TMC1: variants seen among roughly 807,000 people sequenced by gnomAD.
TMC1 encodes transmembrane channel-like protein 1.
TMC1 carries 84 observed loss-of-function variants against 105.8 expected under a neutral mutation model. The observed-to-expected ratio is 0.79, with a 90% CI of 0.67 to 0.95. The LOEUF is 0.95. TMC1 is among the 40% of genes least tolerant of loss of function. TMC1 has a pLI of 0.00. For synonymous variants in TMC1, 315 were observed against 311.5 expected, an observed-to-expected ratio of 1.01 and a Z score of -0.12; for missense variants, 817 against 914.1, an observed-to-expected ratio of 0.89 and a Z score of 1.37.
At chr9:72,728,730 C>A (rs1239515252) in intron 8 of TMC1, among the ~76,000 whole-genome samples, 1 of 152,038 alleles carries the variant, frequency 6.6e-6, no homozygotes, top group Non-Finnish European at 1.5e-5. Flanking sequence ...CCTGGGGAAA[C>A]CTGTGTGGTC....
intron 18 of TMC1, among the ~76,000 whole-genome samples, chr9:72,805,862 C>CA (rs1200127891): frequency 6.6e-6 from 1 of 152,158 alleles, no homozygotes; most frequent in Non-Finnish European, 1.5e-5. Context: ...GGGTTGGGGG[C>CA]AAGGTCACAG....
intron 2 of TMC1, among the ~76,000 whole-genome samples, chr9:72,608,930 G>A (rs1824974751): frequency 6.6e-6 from 1 of 151,946 alleles, no homozygotes; most frequent in South Asian, 2.1e-4. Flanking sequence ...CTTCACGACT[G>A]CAGTCACTTT....
At chr9:72,679,803 A>G (rs1275627808) in intron 5 of TMC1, among the ~76,000 whole-genome samples, 10 of 152,100 alleles carry the variant, frequency 6.6e-5, no homozygotes, top group Admixed American at 6.6e-5. Flanking sequence ...CTTTCAATCT[A>G]TAGTAATGAA....
chr9:72,553,450 G>A (rs1019939572), intron 1 of TMC1, among the ~76,000 whole-genome samples: 1 of 152,164 alleles, frequency 6.6e-6, no homozygotes, highest in Admixed American at 6.5e-5. Flanking sequence ...AAAAGAGACT[G>A]AATTATTTGT....
At chr9:72,560,822 G>C (rs1473140517) in intron 1 of TMC1, among the ~76,000 whole-genome samples, 1 of 94,856 alleles carries the variant, frequency 1.1e-5, no homozygotes, top group African/African-American at 7.5e-5. Flanking sequence ...GGTTTTGCAA[G>C]TTTCACATTT....
At chr9:72,734,945 G>T (rs926780130) in intron 8 of TMC1, among the ~76,000 whole-genome samples, 1 of 152,160 alleles carries the variant, frequency 6.6e-6, no homozygotes, top group Non-Finnish European at 1.5e-5. Flanking sequence ...GTGTAATCGT[G>T]GTTGTATCAT....
chr9:72,596,677 T>TA (rs1824727208), intron 2 of TMC1, among the ~76,000 whole-genome samples: 1 of 151,872 alleles, frequency 6.6e-6, no homozygotes, highest in Non-Finnish European at 1.5e-5. Flanking sequence ...GAATTGTACA[T>TA]ACCGTTCTTC....
intron 5 of TMC1, among the ~76,000 whole-genome samples, chr9:72,677,252 A>G (rs1427087308): frequency 6.6e-6 from 1 of 152,086 alleles, no homozygotes; most frequent in East Asian, 1.9e-4. Context: ...AGTTCCACTC[A>G]GAGTCTGAAG....
chr9:72,522,555 A>G (rs1412088674), intron 1 of TMC1, among the ~76,000 whole-genome samples: 1 of 152,216 alleles, frequency 6.6e-6, no homozygotes, highest in Non-Finnish European at 1.5e-5. Context: ...GGGACAAGAG[A>G]AAAGGAGAAA....
intron 13 of TMC1, among the ~76,000 whole-genome samples, chr9:72,781,559 T>G (rs555827715): frequency 6.6e-6 from 1 of 152,136 alleles, no homozygotes; most frequent in South Asian, 2.1e-4. Context: ...ATAAGATTGA[T>G]AGACCACTAG....
chr9:72,818,227 C>A (rs955064832), intron 19 of TMC1, among the ~76,000 whole-genome samples: 4 of 152,206 alleles, frequency 2.6e-5, no homozygotes, highest in Non-Finnish European at 5.9e-5. Flanking sequence ...TTATTCAATT[C>A]CATTGGCTTG....
At chr9:72,693,821 T>A (rs1826506910) in intron 6 of TMC1, among the ~76,000 whole-genome samples, 1 of 152,154 alleles carries the variant, frequency 6.6e-6, no homozygotes, top group South Asian at 2.1e-4. Flanking sequence ...TCCTAAAAAG[T>A]TATGAACACA....
At chr9:72,705,684 G>C (rs1443231192) in intron 8 of TMC1, among the ~76,000 whole-genome samples, 1 of 152,184 alleles carries the variant, frequency 6.6e-6, no homozygotes, top group Non-Finnish European at 1.5e-5. Flanking sequence ...ACTTATTTTG[G>C]AGAAGGGACA....
intron 18 of TMC1, among the ~76,000 whole-genome samples, chr9:72,813,250 T>G (rs938497318): frequency 2.6e-5 from 4 of 152,178 alleles, no homozygotes; most frequent in Non-Finnish European, 5.9e-5. Context: ...ATTAAAGTAT[T>G]GCTTTAAAAA....
intron 1 of TMC1, among the ~76,000 whole-genome samples, chr9:72,525,030 T>A (rs1029598843): frequency 6.6e-6 from 1 of 152,190 alleles, no homozygotes; most frequent in East Asian, 1.9e-4. Context: ...GATAGAAAGA[T>A]ACGGTCCAGA....
intron 8 of TMC1, among the ~76,000 whole-genome samples, chr9:72,727,308 A>G (rs1827140121): frequency 6.6e-6 from 1 of 152,028 alleles, no homozygotes; most frequent in African/African-American, 2.4e-5. Flanking sequence ...CCTAGATCTC[A>G]TTTTTCTTAA....
At chr9:72,785,000 C>A (rs991754607) in intron 13 of TMC1, among the ~76,000 whole-genome samples, 1 of 152,132 alleles carries the variant, frequency 6.6e-6, no homozygotes, top group African/African-American at 2.4e-5. Flanking sequence ...CTACGCTCAT[C>A]ATCTGAGTAA....
At chr9:72,619,724 T>A in intron 3 of TMC1, among the ~76,000 whole-genome samples, 1 of 151,956 alleles carries the variant, frequency 6.6e-6, no homozygotes, top group South Asian at 2.1e-4. Context: ...AAAAGTACAT[T>A]ATTTTTTAGG....
At chr9:72,782,996 TA>T (rs565772854) in intron 13 of TMC1, among the ~76,000 whole-genome samples, 33 of 151,808 alleles carry the variant, frequency 2.2e-4, no homozygotes, top group African/African-American at 7.3e-4. Context: ...AGCTAAAAAT[TA>T]AAAAAAATTT....
Sources: allele counts gnomAD v4.1 joint callset (sites outside exome capture counted in the v4.1 genomes callset), GRCh38; gene constraint gnomAD v4.1.1; transcripts MANE v1.5; gene names NCBI Gene and HGNC (gene_info 2026-07-23, HGNC 2026-07-21).